Variants in RAPGEF2 observed in about 807,000 individuals in gnomAD.
RAPGEF2 encodes the protein Rap guanine nucleotide exchange factor 2.
A neutral mutation model predicts 186.7 loss-of-function variants in RAPGEF2; 54 were observed. The ratio of observed to expected loss-of-function variants is 0.29; its 90% CI spans 0.23 to 0.36. The LOEUF is 0.36. Ranked by LOEUF, RAPGEF2 falls within the 10% of genes least tolerant of loss-of-function variation. RAPGEF2 has a pLI of 1.00. For missense variants in RAPGEF2, 1,532 were observed against 2,045.0 expected (o/e 0.75, Z 4.84); for synonymous variants, 712 against 705.9 (o/e 1.01, Z -0.14).
At chr4:159,173,302 C>G (rs889543776) in intron 1 of RAPGEF2, among the ~76,000 whole-genome samples, 1 of 152,130 alleles carries the variant, frequency 6.6e-6, no homozygotes, top group South Asian at 2.1e-4. Context: ...CCTCAGTGAC[C>G]TATTCCGCTT....
chr4:159,128,669 G>C (rs1740646927), intron 1 of RAPGEF2: 1 of 151,838 alleles, frequency 6.6e-6, no homozygotes, highest in African/African-American at 2.4e-5. Flanking sequence ...TTCATGTTGA[G>C]TTTTGTAAAG....
At chr4:159,171,181 C>T (rs1745871847) in intron 1 of RAPGEF2, among the ~76,000 whole-genome samples, 1 of 152,162 alleles carries the variant, frequency 6.6e-6, no homozygotes, top group African/African-American at 2.4e-5. Flanking sequence ...GAAATCTCTG[C>T]AGCCTGACAT....
At chr4:159,241,535 T>C (rs1754004003) in intron 6 of RAPGEF2, among the ~76,000 whole-genome samples, 167 bp downstream of exon 6, 1 of 148,352 alleles carries the variant, frequency 6.7e-6, no homozygotes, top group Non-Finnish European at 1.5e-5. Context: ...TTAATAAATA[T>C]AAAAATAAAT....
chr4:159,266,775 A>G (rs531008696), intron 7 of RAPGEF2: 1 of 163,172 alleles, frequency 6.1e-6, no homozygotes, highest in Admixed American at 5.7e-5. Context: ...AGGATGGGAT[A>G]GAGGTCACAT....
At chr4:159,120,885 T>C (rs1739600205) in intron 1 of RAPGEF2, among the ~76,000 whole-genome samples, 1 of 152,034 alleles carries the variant, frequency 6.6e-6, no homozygotes, top group Admixed American at 6.6e-5. Context: ...GAGGGAGTCT[T>C]GCCCTGTTGC....
At position 159,358,149 on chromosome 4, in the gene RAPGEF2, T is replaced by G; in HGVS notation, c.*10T>G. Reference sequence around the variant, plus strand: ...AGTTTCTGCTGTTTGAGGCACAGACTTTTCTGGAAGCAGAGCGAGCCACCT... The same window carrying G: ...AGTTTCTGCTGTTTGAGGCACAGACGTTTCTGGAAGCAGAGCGAGCCACCT... On this transcript the variant is annotated 3_prime_UTR_variant, in exon 30 of 30. Coordinates refer to ENST00000691494, the MANE Select transcript of RAPGEF2 (RefSeq NM_001394067.2). The G allele has an allele frequency of 6.2e-7, 1 of 1,611,146 alleles. No homozygotes were observed. Among genetic ancestry groups the G allele is most frequent in the Non-Finnish European group, 8.5e-7 (1 of 1,178,688 alleles).
chr4:159,171,271 T>G (rs1745878516), intron 1 of RAPGEF2, among the ~76,000 whole-genome samples: 1 of 152,218 alleles, frequency 6.6e-6, no homozygotes. Context: ...CATAATTACC[T>G]TTAACTTGAA....
At chr4:159,173,265 T>A (rs1265863213) in intron 1 of RAPGEF2, among the ~76,000 whole-genome samples, 2 of 152,210 alleles carry the variant, frequency 1.3e-5, no homozygotes, top group Middle Eastern at 3.2e-3. Context: ...ACTTCTTTTT[T>A]GCTAAGAGGC....
chr4:159,351,302 C>CT (rs201045411), intron 26 of RAPGEF2: 71,616 of 852,688 alleles, frequency 0.084, 1,184 homozygotes, highest in African/African-American at 0.24. Context: ...TTTTCTGAAA[C>CT]TTTTTTTTTT....
chr4:159,167,035 G>T (rs1745393584), intron 1 of RAPGEF2, among the ~76,000 whole-genome samples: 1 of 152,062 alleles, frequency 6.6e-6, no homozygotes, highest in African/African-American at 2.4e-5. Flanking sequence ...TGTACATGGT[G>T]AAAGAAGAGA....
In RAPGEF2 at chr4:159,323,554, C is replaced by T. The variant is rs1765521098; in HGVS notation, c.1086C>T (p.Val362=). ...TGTGCATGGGAAATAGTTTTGGTGT[C>T]TCTCCTACCATGGACAAAGAATACA... ...EILCMGNSFG[V]SPTMDKEYMK... Residue 362 remains valine (V), a synonymous_variant, in exon 11 of 30, where the codon GTC becomes GTT. Transcript: ENST00000691494. 1.2e-6 allele frequency: 2 copies of T among 1,612,756 alleles called. No individual in the cohort carries two copies. The highest frequency in any genetic ancestry group is 1.3e-5 in the African/African-American group (1 of 74,810).
intron 1 of RAPGEF2, among the ~76,000 whole-genome samples, chr4:159,162,120 C>T (rs182417405): frequency 1.3e-5 from 2 of 149,268 alleles, no homozygotes; most frequent in South Asian, 2.1e-4. Flanking sequence ...TGTGGTAGGT[C>T]GTGCTTGTAA....
At chr4:159,259,462 T>A (rs1248188887) in intron 7 of RAPGEF2, among the ~76,000 whole-genome samples, 1 of 152,236 alleles carries the variant, frequency 6.6e-6, no homozygotes, top group Non-Finnish European at 1.5e-5. Flanking sequence ...GTATTTCTCA[T>A]TAATAAAGCA....
intron 1 of RAPGEF2, among the ~76,000 whole-genome samples, chr4:159,158,634 C>G (rs997905786): frequency 6.6e-6 from 1 of 151,648 alleles, no homozygotes; most frequent in Non-Finnish European, 1.5e-5. Context: ...CCTTGGTGGT[C>G]GCAAACAAAA....
intron 1 of RAPGEF2, among the ~76,000 whole-genome samples, chr4:159,150,073 A>G (rs757825453): frequency 1.3e-5 from 2 of 152,150 alleles, no homozygotes; most frequent in Non-Finnish European, 1.5e-5. Flanking sequence ...GTAGTAATTT[A>G]TATTGTTATT....
intron 1 of RAPGEF2, among the ~76,000 whole-genome samples, chr4:159,178,551 CTTT>C (rs71589215): frequency 2.7e-5 from 2 of 75,470 alleles, no homozygotes; most frequent in African/African-American, 5.9e-5. Context: ...ATGTATTATG[CTTT>C]TTTTTTTTTT....
chr4:159,187,627 A>C (rs1307698570), intron 2 of RAPGEF2, among the ~76,000 whole-genome samples: 1 of 152,206 alleles, frequency 6.6e-6, no homozygotes, highest in Non-Finnish European at 1.5e-5. Context: ...GCCCATATAG[A>C]AATCTCATCA....
intron 1 of RAPGEF2, among the ~76,000 whole-genome samples, chr4:159,154,994 T>A (rs562592709): frequency 6.6e-6 from 1 of 152,304 alleles, no homozygotes; most frequent in African/African-American, 2.4e-5. Context: ...GCTTACATGT[T>A]TATTAAAGTG....
intron 1 of RAPGEF2, among the ~76,000 whole-genome samples, chr4:159,182,829 T>C (rs1747163016): frequency 6.6e-6 from 1 of 152,074 alleles, no homozygotes; most frequent in Non-Finnish European, 1.5e-5. Flanking sequence ...CTACAAAAAG[T>C]TTTTTTTCTT....
Sources: gnomAD v4.1 joint callset for allele counts (sites outside exome capture counted in the v4.1 genomes callset) on GRCh38, gnomAD v4.1.1 for gene constraint, MANE v1.5 for transcripts, NCBI Gene and HGNC (gene_info 2026-07-23, HGNC 2026-07-21) for gene names.